The following PRKD1 variants were observed in gnomAD, a reference collection of about 807,000 sequenced individuals.
PRKD1 encodes serine/threonine-protein kinase D1.
Under a neutral mutation model 95.9 loss-of-function variants are expected in PRKD1, and 63 were observed. The observed-to-expected ratio is 0.66, with a 90% CI of 0.54 to 0.81. The LOEUF (loss-of-function observed/expected upper bound fraction) is 0.81. Ranked by LOEUF, PRKD1 falls within the 30% of genes least tolerant of loss-of-function variation. The pLI is 0.00. For synonymous variants in PRKD1, 425 were observed against 423.1 expected (o/e 1.00, Z -0.05); for missense variants, 1,048 against 1,165.3 (o/e 0.90, Z 1.47).
At chr14:29,926,368 C>T (rs560685631) in intron 1 of PRKD1, among the ~76,000 whole-genome samples, 1 of 152,144 alleles carries the variant, frequency 6.6e-6, no homozygotes. Context: ...CTCTGCCTCA[C>T]GTCTGTATCA....
At chr14:29,615,521 G>T (rs1311936482) in intron 13 of PRKD1, among the ~76,000 whole-genome samples, 1 of 152,180 alleles carries the variant, frequency 6.6e-6, no homozygotes, top group Non-Finnish European at 1.5e-5. Context: ...TGTTTCTCTG[G>T]CTATGAAAAG....
At chr14:29,722,321 T>C (rs1042901395) in intron 2 of PRKD1, among the ~76,000 whole-genome samples, 1 of 152,134 alleles carries the variant, frequency 6.6e-6, no homozygotes, top group African/African-American at 2.4e-5. Context: ...GGAAGGAGTA[T>C]GTAATCCAAG....
In PRKD1 at chr14:29,669,846, C is replaced by T. The variant is rs565278544; in HGVS notation, c.404-3638G>A. Reference sequence around the variant, plus strand: ...TCACACCATTGCACTCCAGCCTGGACAACAGAGTGAGACTGTGTCTCAAAA... The same window carrying T: ...TCACACCATTGCACTCCAGCCTGGATAACAGAGTGAGACTGTGTCTCAAAA... On this transcript the variant is annotated intron_variant, in intron 2 of 17. Coordinates refer to ENST00000331968, the MANE Select transcript of PRKD1 (RefSeq NM_002742.3). Among the ~76,000 whole-genome samples the T allele has an allele frequency of 5.3e-5, 8 of 152,288 alleles. No homozygotes were observed. In the East Asian group the frequency reaches 1.5e-3, roughly 29 times the overall value.
intron 1 of PRKD1, among the ~76,000 whole-genome samples, chr14:29,838,709 G>A (rs1432893186): frequency 6.6e-6 from 1 of 152,024 alleles, no homozygotes; most frequent in Non-Finnish European, 1.5e-5. Flanking sequence ...ATATATAAAT[G>A]CAAGATATAA....
At chr14:29,636,042 T>G (rs1239811122) in intron 7 of PRKD1, among the ~76,000 whole-genome samples, 1 of 20,782 alleles carries the variant, frequency 4.8e-5, no homozygotes, top group Non-Finnish European at 1.1e-4. Flanking sequence ...ATCTCTCACA[T>G]GCAAAAAAAA....
chr14:29,658,326 G>A (rs45438099), intron 4 of PRKD1, among the ~76,000 whole-genome samples: 9,819 of 152,162 alleles, frequency 0.065, 452 homozygotes, highest in Non-Finnish European at 0.1. Flanking sequence ...CAATATTAAT[G>A]CGTTTTATGA....
chr14:29,880,323 G>A (rs866471093), intron 1 of PRKD1, among the ~76,000 whole-genome samples: 7 of 152,214 alleles, frequency 4.6e-5, no homozygotes, highest in Middle Eastern at 3.2e-3. Flanking sequence ...TCAGGCTGTG[G>A]CTTCAGAGGG....
intron 1 of PRKD1, among the ~76,000 whole-genome samples, chr14:29,759,878 GCATATCAGTCA>G (rs1566584360): frequency 6.6e-6 from 1 of 152,146 alleles, no homozygotes; most frequent in East Asian, 1.9e-4. Context: ...AAGGGAGACT[GCATATCAGTCA>G]CAGGCAAAAT....
chr14:29,786,268 C>T (rs1441225012), intron 1 of PRKD1, among the ~76,000 whole-genome samples: 1 of 152,072 alleles, frequency 6.6e-6, no homozygotes, highest in African/African-American at 2.4e-5. Context: ...GGTTTTTGCA[C>T]ATATGTTCAT....
chr14:29,687,313 T>C (rs974785397), intron 2 of PRKD1, among the ~76,000 whole-genome samples: 4 of 152,168 alleles, frequency 2.6e-5, no homozygotes, highest in Non-Finnish European at 5.9e-5. Flanking sequence ...AAAGTCCAGC[T>C]GAAACCAGGA....
intron 4 of PRKD1, among the ~76,000 whole-genome samples, chr14:29,652,621 A>G (rs973510860): frequency 1.1e-4 from 16 of 152,322 alleles, no homozygotes; most frequent in African/African-American, 3.6e-4. Context: ...GAAAGTACAC[A>G]CTGCCCAGGT....
intron 4 of PRKD1, among the ~76,000 whole-genome samples, chr14:29,658,618 G>C (rs1882023134): frequency 6.6e-6 from 1 of 152,050 alleles, no homozygotes; most frequent in African/African-American, 2.4e-5. Context: ...CCAAGGAAAA[G>C]AGAGCGACCT....
rs116716195 is a variant in PRKD1, at chr14:29,753,309, C to T, written c.265-27635G>A. On this transcript the variant is annotated intron_variant, in intron 1 of 17. Transcript: ENST00000331968. ...TCCACTATCTGCAATGCTTGCCAAA[C>T]CTTTACCTTAAACTTAAGTAGCTGC... is the stretch of plus-strand genomic sequence containing the variant. Among the ~76,000 whole-genome samples the T allele has an allele frequency of 7.2e-3, 1,090 of 152,182 alleles. 14 individuals carry two copies. Among genetic ancestry groups the T allele is most frequent in the African/African-American group, 0.025 (1,026 of 41,544 alleles).
In PRKD1 at chr14:29,673,369, G is replaced by A. The variant is rs917848525; in HGVS notation, c.404-7161C>T. 7.2e-5 allele frequency among the ~76,000 whole-genome samples: 11 copies of A among 152,240 alleles called. No homozygotes were observed. The South Asian group carries it at 1.0e-3, about 14-fold the overall frequency. On this transcript the variant is annotated intron_variant, in intron 2 of 17. Coordinates refer to ENST00000331968, the MANE Select transcript of PRKD1 (RefSeq NM_002742.3). The stretch of plus-strand genomic sequence containing the variant: ...CAGCCATTTCTAAGAATGCGTCACC[G>A]TCTTTCACGTCAATCCCTCCTTCTG...
intron 2 of PRKD1, among the ~76,000 whole-genome samples, chr14:29,704,672 C>T (rs1416201592): frequency 3.9e-5 from 6 of 152,084 alleles, no homozygotes; most frequent in Non-Finnish European, 7.4e-5. Flanking sequence ...ATCCCCTCAA[C>T]AGTAACTGGT....
intron 10 of PRKD1, 168 bp downstream of exon 10, chr14:29,630,574 A>T: frequency 1.4e-6 from 1 of 731,522 alleles, no homozygotes; most frequent in South Asian, 2.0e-5. Context: ...TAAACATCTT[A>T]GTATGTGCAG....
chr14:29,761,148 C>T (rs1282514904), intron 1 of PRKD1, among the ~76,000 whole-genome samples: 1 of 152,174 alleles, frequency 6.6e-6, no homozygotes, highest in Non-Finnish European at 1.5e-5. Flanking sequence ...TTATTTTAAG[C>T]AACCAGTATT....
At chr14:29,656,585 G>C in intron 4 of PRKD1, 2 of 1,398,030 alleles carry the variant, frequency 1.4e-6, no homozygotes, top group South Asian at 2.5e-5. Flanking sequence ...TTATTGGATG[G>C]AAGCAAAGCA....
chr14:29,888,302 G>A (rs1473973925), intron 1 of PRKD1, among the ~76,000 whole-genome samples: 3 of 149,744 alleles, frequency 2.0e-5, no homozygotes, highest in South Asian at 4.3e-4. Flanking sequence ...GAGAGAAAGA[G>A]AGAAAGGGAA....
Sources: gnomAD v4.1 joint callset for allele counts (sites outside exome capture counted in the v4.1 genomes callset) on GRCh38, gnomAD v4.1.1 for gene constraint, MANE v1.5 for transcripts, NCBI Gene and HGNC (gene_info 2026-07-23, HGNC 2026-07-21) for gene names.